Variants in CCDC183 observed in about 807,000 individuals in gnomAD.
The protein encoded by CCDC183 is coiled-coil domain containing 183.
CCDC183 carries 63 observed loss-of-function variants against 65.2 expected under a neutral mutation model. The observed-to-expected ratio is 0.97, with a 90% CI of 0.79 to 1.19. The LOEUF (loss-of-function observed/expected upper bound fraction) is 1.19, where lower values mean the gene tolerates loss of function less well. Ranked by LOEUF, CCDC183 falls within the 50% of genes most tolerant of loss-of-function variation. CCDC183 has a pLI of 0.00. For synonymous variants in CCDC183, 323 were observed against 276.5 expected (o/e 1.17, Z -1.67); for missense variants, 769 against 689.3 (o/e 1.12, Z -1.30).
chr9:136,799,465 G>T (rs773716569), intron 2 of CCDC183: 26 of 750,386 alleles, frequency 3.5e-5, no homozygotes, highest in Non-Finnish European at 4.6e-5. Context: ...TCCTGCAGCA[G>T]GGGCCCCCTC....
Position 136,806,842 on chromosome 9 carries a change from T to G in CCDC183, c.1364T>G (p.Val455Gly), listed in dbSNP as rs1847864036. Residue 455 changes from valine to glycine, a missense_variant, in exon 12 of 14, where the codon GTG becomes GGG. Physicochemically the swap from Val to Gly is moderately radical, Grantham distance 109. Transcript: ENST00000338005. The part of the protein sequence containing the change: ...EGKLTYLADR[V>G]QMVSRTEEGD... ...AAGCTCACGTACCTGGCTGACAGAGTGCAGATGGTGTCCAGGACCGAGGAG... is the reference window on the plus strand; with the variant it reads ...AAGCTCACGTACCTGGCTGACAGAGGGCAGATGGTGTCCAGGACCGAGGAG... 2 of 1,613,374 alleles carry G rather than the reference T, an allele frequency of 1.2e-6. No individual in the cohort carries two copies. The highest frequency in any genetic ancestry group is 1.7e-6 in the Non-Finnish European group (2 of 1,179,972).
Position 136,804,914 on chromosome 9 carries a change from G to GACA in CCDC183, c.847+99_847+101dup. The GACA allele has an allele frequency of 9.4e-7, 1 of 1,063,880 alleles. No individual in the cohort carries two copies. Among genetic ancestry groups the GACA allele is most frequent in the South Asian group, 1.3e-5 (1 of 74,378 alleles). The allele number at this position is 1,063,880 out of a possible 1,614,324, so 65.9% of individuals were successfully genotyped here. On this transcript the variant is annotated intron_variant, in intron 8 of 13. Transcript: ENST00000338005. This position sits in a 1 kb window ranked among gnomAD's most constrained non-coding sequence, Gnocchi z 4.1. ...ATCAAGTCACCCTGAGGCCAGGTGTGACATGTGGTCGCCAGGGTGAAGGGA... is the reference window on the plus strand; with the variant it reads ...ATCAAGTCACCCTGAGGCCAGGTGTGACAACATGTGGTCGCCAGGGTGAAGGGA...
chr9:136,807,583 T>C lies in CCDC183; in HGVS notation c.1498T>C (p.Phe500Leu), dbSNP rs1351931120. The part of the protein sequence containing the change: ...REEDMIDTFQ[F>L]PDMDHSYVPS... ...GCCTCCGCCCGCAGACACCTTCCAG[T>C]TCCCCGACATGGACCACAGCTACGT... The change falls in exon 14 of 14, where the codon TTC (phenylalanine) becomes CTC (leucine). Residue 500 changes from phenylalanine to leucine, a missense_variant. Physicochemically the swap from Phe to Leu is conservative, Grantham distance 22 (BLOSUM62 0). Transcript: ENST00000338005. The C allele has an allele frequency of 6.2e-7, 1 of 1,603,126 alleles. No individual in the cohort carries two copies.
intron 6 of CCDC183, among the ~76,000 whole-genome samples, chr9:136,803,742 G>A (rs1001210274): frequency 5.9e-5 from 9 of 152,146 alleles, no homozygotes; most frequent in African/African-American, 2.2e-4. Flanking sequence ...CTAGGGAGGA[G>A]GAGGTACAAC....
At chr9:136,805,966 C>T (rs1847837815) in intron 9 of CCDC183, 112 bp from the exon 10 acceptor site, 1 of 839,824 alleles carries the variant, frequency 1.2e-6, no homozygotes, top group African/African-American at 1.7e-5. Flanking sequence ...TGAATGAGCA[C>T]AGAGAAAGTG....
intron 13 of CCDC183, 135 bp downstream of exon 13, chr9:136,807,201 G>T: frequency 2.6e-6 from 2 of 761,552 alleles, no homozygotes; most frequent in Non-Finnish European, 4.3e-6. Flanking sequence ...GTACCTGCAG[G>T]ACTTTAATTG....
In CCDC183 at chr9:136,804,545, G is replaced by T. The variant is rs201155882; in HGVS notation, c.710G>T (p.Arg237Leu). Residue 237 changes from arginine to leucine, a missense_variant, in exon 7 of 14, where the codon CGG becomes CTG. Physicochemically the swap from Arg to Leu is moderately radical, Grantham distance 102 (BLOSUM62 -2). Transcript: ENST00000338005. This position sits in a 1 kb window ranked among gnomAD's most constrained non-coding sequence, Gnocchi z 4.1. ...GAGGCGTCCTTCATCGAGGAGCGCC[G>T]GGCAAGGGAGAACCGGCTCAACCAG... ...QREASFIEER[R>L]ARENRLNQQK... 6.2e-6 allele frequency: 10 copies of T among 1,613,500 alleles called. No homozygotes were observed. The highest frequency in any genetic ancestry group is 8.5e-6 in the Non-Finnish European group (10 of 1,179,936).
Position 136,807,627 on chromosome 9 carries a change from C to G in CCDC183, c.1542C>G (p.Ile514Met), listed in dbSNP as rs748683072. 2 of 1,605,394 alleles carry G rather than the reference C, an allele frequency of 1.2e-6. No individual in the cohort carries two copies. The highest frequency in any genetic ancestry group is 3.4e-5 in the Admixed American group (2 of 59,060). Residue 514 changes from isoleucine (I) to methionine (M), a missense_variant, in exon 14 of 14, where the codon ATC (isoleucine) becomes ATG (methionine). Ile to Met is a conservative substitution (Grantham distance 10). Transcript: ENST00000338005. ...GCTACGTCCCTTCGCGCGCCGAGAT[C>G]AAGAGGCAGGCGCAGCGGCTAATCG... ...DHSYVPSRAE[I>M]KRQAQRLIEG...
chr9:136,804,181 G>C lies in CCDC183; in HGVS notation c.667-321G>C, dbSNP rs2131136362. The C allele has an allele frequency of 3.3e-6, 1 of 306,736 alleles. No homozygotes were observed. Among genetic ancestry groups the C allele is most frequent in the Non-Finnish European group, 6.3e-6 (1 of 158,838 alleles). The allele number at this position is 306,736 out of a possible 1,614,324, so 19.0% of individuals were successfully genotyped here. ...ACGCTGGAAGAGGCCAGGTTTTGGG[G>C]AAGAGGATGAATCTGTCTTCAGGCA... On this transcript the variant is annotated intron_variant, in intron 6 of 13. Coordinates refer to ENST00000338005, the MANE Select transcript of CCDC183 (RefSeq NM_001039374.5). The surrounding 1 kb of genome is among the most constrained non-coding windows in gnomAD (Gnocchi z 4.1).
intron 1 of CCDC183, among the ~76,000 whole-genome samples, chr9:136,798,101 G>A (rs142469611): frequency 0.014 from 2,140 of 152,288 alleles, 54 homozygotes; most frequent in African/African-American, 0.049. Context: ...CACCTCCCGG[G>A]TTCAAGTGAT....
chr9:136,799,251 C>G, intron 2 of CCDC183, 28 bp downstream of exon 2: 2 of 1,575,116 alleles, frequency 1.3e-6, no homozygotes, highest in Non-Finnish European at 1.7e-6. Context: ...CTCCCCTCTG[C>G]CTGGCGAGCA....
In CCDC183 at chr9:136,806,537, G is replaced by T. The variant is rs969253519; in HGVS notation, c.1143G>T (p.Met381Ile). 6.2e-7 allele frequency: 1 copy of T among 1,613,470 alleles called. No homozygotes were observed. The highest frequency in any genetic ancestry group is 8.5e-7 in the Non-Finnish European group (1 of 1,180,044). Residue 381 changes from methionine (M) to isoleucine (I), a missense_variant, in exon 11 of 14, where the codon ATG becomes ATT. Transcript: ENST00000338005. ...FKSVEKKMTDMLKEEEERLQL... is the reference protein window; with the variant it reads ...FKSVEKKMTDILKEEEERLQL... ...CCGTTGAGAAGAAAATGACAGACATGCTAAAAGAGGAAGAAGAGAGGCTCC... is the reference window on the plus strand; with the variant it reads ...CCGTTGAGAAGAAAATGACAGACATTCTAAAAGAGGAAGAAGAGAGGCTCC...
At position 136,804,335 on chromosome 9, in the gene CCDC183, G is replaced by A. The variant is rs1847804025; in HGVS notation, c.667-167G>A. The A allele has an allele frequency of 2.2e-6, 2 of 903,180 alleles. No homozygotes were observed. Among genetic ancestry groups the A allele is most frequent in the Admixed American group, 2.8e-5 (1 of 35,618 alleles). 55.9% of individuals were successfully genotyped at this position (903,180 alleles called of 1,614,324 possible). ...GCATGGGCAAGGAGGGCCGTGAGCT[G>A]AGGGGCCACGGGCACAAGTGGTTTA... On this transcript the variant is annotated intron_variant, in intron 6 of 13. Transcript: ENST00000338005. This position sits in a 1 kb window ranked among gnomAD's most constrained non-coding sequence, Gnocchi z 4.1.
In CCDC183 at chr9:136,800,092, C is replaced by A; in HGVS notation, c.361C>A (p.Leu121Met). The A allele has an allele frequency of 6.4e-7, 1 of 1,562,802 alleles. No homozygotes were observed. The highest frequency in any genetic ancestry group is 8.7e-7 in the Non-Finnish European group (1 of 1,155,698). The change falls in exon 4 of 14, where the codon CTG becomes ATG. Residue 121 changes from leucine (L) to methionine (M), a missense_variant. Leu to Met is a conservative substitution (Grantham distance 15). Transcript: ENST00000338005. ...CCTGGTGCGGCGGCGCGGGCAGAAG[C>A]TGGAGAGCATGCAGCTGGAGCTGGA... is the stretch of plus-strand genomic sequence containing the variant. The part of the protein sequence containing the change: ...IHLVRRRGQK[L>M]ESMQLELDSL...
chr9:136,799,260 C>G, intron 2 of CCDC183, 37 bp downstream of exon 2: 1 of 1,569,128 alleles, frequency 6.4e-7, no homozygotes, highest in Non-Finnish European at 8.6e-7. Flanking sequence ...GCCTGGCGAG[C>G]AGGGCAGGAG....
chr9:136,798,906 G>C (rs557188246), intron 1 of CCDC183, among the ~76,000 whole-genome samples, 196 bp from the exon 2 acceptor site: 2 of 152,354 alleles, frequency 1.3e-5, no homozygotes, highest in East Asian at 3.9e-4. Flanking sequence ...TCCACTGAGA[G>C]CCCTTCAGAC....
chr9:136,800,765 T>C, intron 5 of CCDC183: 1 of 415,932 alleles, frequency 2.4e-6, no homozygotes, highest in Non-Finnish European at 4.4e-6. Flanking sequence ...CCTGTCATTT[T>C]CTCATTGCCT....
In CCDC183 at chr9:136,800,159, G is replaced by T; in HGVS notation, c.428G>T (p.Arg143Leu). 1.3e-6 allele frequency: 2 copies of T among 1,534,018 alleles called. No homozygotes were observed. Among genetic ancestry groups the T allele is most frequent in the South Asian group, 1.2e-5 (1 of 83,762 alleles). Residue 143 changes from arginine to leucine, a missense_variant, in exon 4 of 14, where the codon CGG becomes CTG. Physicochemically the swap from Arg to Leu is moderately radical, Grantham distance 102. Transcript: ENST00000338005. ...CCCGACGCCAGCAAGGAGGAGCTGC[G>T]GCTGCTGCAGGTGGAGAGGCGGGGC... Reference protein sequence around the residue: ...SQPDASKEELRLLQIIRQLEN... With the variant: ...SQPDASKEELLLLQIIRQLEN...
intron 3 of CCDC183, 93 bp downstream of exon 3, chr9:136,799,883 A>G (rs1847709292): frequency 4.1e-6 from 6 of 1,457,804 alleles, no homozygotes; most frequent in Middle Eastern, 1.8e-4. Flanking sequence ...GGGACGGAGC[A>G]GGTGCCCAGC....
Sources: allele counts gnomAD v4.1 joint callset (sites outside exome capture counted in the v4.1 genomes callset), GRCh38; gene constraint gnomAD v4.1.1; non-coding constraint Gnocchi (gnomAD v3.1); transcripts MANE v1.5; gene names NCBI Gene and HGNC (gene_info 2026-07-23, HGNC 2026-07-21).